Variants in FGD5 observed in about 807,000 individuals in gnomAD.
FGD5 encodes FYVE, RhoGEF and PH domain containing 5.
In FGD5, 28 loss-of-function variants were observed where a neutral mutation model predicts 133.4. The observed-to-expected ratio is 0.21, with a 90% CI of 0.16 to 0.29. The LOEUF (loss-of-function observed/expected upper bound fraction) is 0.29, where lower values mean the gene tolerates loss of function less well. FGD5 is among the 10% of genes least tolerant of loss of function. FGD5 has a pLI of 1.00. For synonymous variants in FGD5, 810 were observed against 776.5 expected (o/e 1.04, Z -0.72); for missense variants, 1,858 against 1,895.2 (o/e 0.98, Z 0.36).
chr3:14,838,058 G>A (rs1336525061), intron 1 of FGD5, among the ~76,000 whole-genome samples: 1 of 152,208 alleles, frequency 6.6e-6, no homozygotes, highest in African/African-American at 2.4e-5. Flanking sequence ...GCTGGCCTGG[G>A]CCCTCATCTA....
intron 1 of FGD5, among the ~76,000 whole-genome samples, chr3:14,862,229 G>A (rs1209729035): frequency 6.6e-6 from 1 of 152,178 alleles, no homozygotes; most frequent in Non-Finnish European, 1.5e-5. Flanking sequence ...GCTTATCCTG[G>A]ATAGAGCACC....
In FGD5 at chr3:14,820,511, G is replaced by A. The variant is rs750702460; in HGVS notation, c.1440G>A (p.Thr480=). The A allele has an allele frequency of 1.3e-5, 21 of 1,613,842 alleles. No homozygotes were observed. The highest frequency in any genetic ancestry group is 1.7e-5 in the Non-Finnish European group (20 of 1,179,876). ...CCGCGGACAGGAAGAACACCAGCAC[G>A]AGGGTCCGGCCCCACTCTGGGAAGG... ...LVPADRKNTS[T]RVRPHSGKVA... is the part of the protein sequence containing the mutation. The change falls in exon 1 of 20, where the codon ACG becomes ACA. Residue 480 remains threonine (T), a synonymous_variant. Transcript: ENST00000285046.
intron 16 of FGD5, chr3:14,923,411 A>T: frequency 5.3e-6 from 3 of 564,424 alleles, no homozygotes; most frequent in South Asian, 4.2e-5. Context: ...CTTAGGAATC[A>T]GTGTGTGTGT....
At chr3:14,861,568 G>C (rs1325824274) in intron 1 of FGD5, among the ~76,000 whole-genome samples, 1 of 152,224 alleles carries the variant, frequency 6.6e-6, no homozygotes, top group Non-Finnish European at 1.5e-5. Context: ...GTGTATGTCA[G>C]CTCAGATTTG....
intron 4 of FGD5, among the ~76,000 whole-genome samples, chr3:14,895,317 C>G (rs1378647602): frequency 6.6e-6 from 1 of 152,190 alleles, no homozygotes; most frequent in South Asian, 2.1e-4. Flanking sequence ...ATGTTTTATT[C>G]TAGTTGCATC....
chr3:14,929,835 T>A (rs2038874408), intron 18 of FGD5, among the ~76,000 whole-genome samples: 1 of 152,228 alleles, frequency 6.6e-6, no homozygotes, highest in Non-Finnish European at 1.5e-5. Context: ...AATGAATGAA[T>A]CTTTTGGTGA....
In FGD5 at chr3:14,819,438, C is replaced by G. The variant is rs1426082848; in HGVS notation, c.367C>G (p.Pro123Ala). 12 of 1,549,956 alleles carry G rather than the reference C, an allele frequency of 7.7e-6. No individual in the cohort carries two copies. Among genetic ancestry groups the G allele is most frequent in the Non-Finnish European group, 8.7e-6 (10 of 1,146,138 alleles). The change falls in exon 1 of 20, where the codon CCT becomes GCT. Residue 123 changes from proline (P) to alanine (A), a missense_variant. This residue lies in a region of FGD5 where 1,824 missense variants were observed against 1,848.9 expected (regional missense o/e 0.99). Coordinates refer to ENST00000285046, the MANE Select transcript of FGD5 (RefSeq NM_152536.4). This position sits in a 1 kb window ranked among gnomAD's most constrained non-coding sequence, Gnocchi z 4.1. ...AGGAGCTGGTGAGGATTCAGTGGCCCCTGCTGCTCCGGGTGCAGGAGCGCT... is the reference window on the plus strand; with the variant it reads ...AGGAGCTGGTGAGGATTCAGTGGCCGCTGCTGCTCCGGGTGCAGGAGCGCT... ...GTGAGEDSVA[P>A]AAPGAGALSR...
intron 1 of FGD5, among the ~76,000 whole-genome samples, chr3:14,833,377 C>G (rs1213448636): frequency 1.3e-5 from 2 of 152,156 alleles, no homozygotes; most frequent in African/African-American, 4.8e-5. Context: ...TTGAGGCTTT[C>G]TTGTAAGATT....
At chr3:14,810,717 G>A, upstream of FGD5, 2 of 811,480 alleles carry the variant, frequency 2.5e-6, no homozygotes, top group South Asian at 1.1e-4. Flanking sequence ...GGAGTCCGAG[G>A]CGCGCCGGGG....
At chr3:14,919,347 G>C (rs191741867) in intron 13 of FGD5, among the ~76,000 whole-genome samples, 1 of 152,212 alleles carries the variant, frequency 6.6e-6, no homozygotes, top group African/African-American at 2.4e-5. Flanking sequence ...GGCCGGGCGC[G>C]GTGGCTCACG....
intron 9 of FGD5, among the ~76,000 whole-genome samples, chr3:14,906,236 T>C (rs547487000): frequency 2.0e-5 from 3 of 152,224 alleles, no homozygotes; most frequent in South Asian, 2.1e-4. Flanking sequence ...GGTGGGCACA[T>C]GCCTACATCT....
intron 1 of FGD5, among the ~76,000 whole-genome samples, chr3:14,852,768 A>T (rs1340573036): frequency 1.3e-5 from 2 of 152,160 alleles, no homozygotes; most frequent in Non-Finnish European, 2.9e-5. Flanking sequence ...GTTTCTGGGA[A>T]CCATTACAAT....
chr3:14,897,928 C>T lies in FGD5; in HGVS notation c.2910-11C>T. The T allele has an allele frequency of 6.2e-7, 1 of 1,613,882 alleles. No individual in the cohort carries two copies. Among genetic ancestry groups the T allele is most frequent in the Non-Finnish European group, 8.5e-7 (1 of 1,179,842 alleles). On this transcript the variant is annotated splice_polypyrimidine_tract_variant and intron_variant, in intron 5 of 19. Transcript: ENST00000285046. ...GAGTTCTCACTGTCCCATCCCCATT[C>T]CTGGCTGCAGGGAGAGCCAGCAGAA... is the stretch of plus-strand genomic sequence containing the variant.
upstream of FGD5, among the ~76,000 whole-genome samples, chr3:14,816,429 A>G (rs921310904): frequency 1.3e-5 from 2 of 152,226 alleles, no homozygotes; most frequent in Non-Finnish European, 2.9e-5. Context: ...AACAACAGCT[A>G]CTATTGAGTA....
chr3:14,865,119 A>G (rs2131571), intron 2 of FGD5, among the ~76,000 whole-genome samples: 3 of 140,746 alleles, frequency 2.1e-5, no homozygotes, highest in Admixed American at 1.5e-4. Flanking sequence ...CCCCCACCCA[A>G]CCCACCCATC....
chr3:14,821,764 C>A, intron 1 of FGD5, 168 bp downstream of exon 1: 1 of 1,000,606 alleles, frequency 1.0e-6, no homozygotes, highest in Non-Finnish European at 1.4e-6. Flanking sequence ...GTTACTTCAT[C>A]CGTGAAATGG....
chr3:14,915,636 G>C (rs2038539263), intron 11 of FGD5, among the ~76,000 whole-genome samples: 1 of 151,978 alleles, frequency 6.6e-6, no homozygotes, highest in Admixed American at 6.6e-5. Flanking sequence ...CATATGTCCG[G>C]GGCTCACCCT....
chr3:14,813,147 A>G (rs2036318123), intron 1 of FGD5, among the ~76,000 whole-genome samples: 1 of 152,148 alleles, frequency 6.6e-6, no homozygotes, highest in Non-Finnish European at 1.5e-5. Context: ...ATTAGGCATC[A>G]TGTCTGTTAT....
At chr3:14,823,728 C>T (rs950418894) in intron 1 of FGD5, among the ~76,000 whole-genome samples, 21 of 152,172 alleles carry the variant, frequency 1.4e-4, no homozygotes, top group African/African-American at 4.8e-4. Flanking sequence ...GTGCAGGCTG[C>T]GCATTGTACA....
Sources: gnomAD v4.1 joint callset for allele counts (sites outside exome capture counted in the v4.1 genomes callset) on GRCh38, gnomAD v4.1.1 for gene constraint, gnomAD v4.1.1 regional missense constraint, Gnocchi (gnomAD v3.1) non-coding constraint, MANE v1.5 for transcripts, NCBI Gene and HGNC (gene_info 2026-07-23, HGNC 2026-07-21) for gene names.